Variants in MDGA2 observed in about 807,000 individuals in gnomAD.
MDGA2 encodes MAM domain containing glycosylphosphatidylinositol anchor 2.
MDGA2 carries 40 observed loss-of-function variants against 117.8 expected under a neutral mutation model. The ratio of observed to expected loss-of-function variants is 0.34; its 90% CI spans 0.26 to 0.44. The LOEUF is 0.44. Among genes scored for constraint, MDGA2 ranks in the 20% least tolerant of loss-of-function variants. The probability of loss-of-function intolerance (pLI) is 1.00; values close to 1 mark genes in which losing one functional copy is unlikely to be tolerated. For synonymous variants in MDGA2, 452 were observed against 439.0 expected (o/e 1.03, Z -0.37); for missense variants, 1,123 against 1,250.6 (o/e 0.90, Z 1.54).
chr14:47,115,451 A>AT (rs1881275885), intron 5 of MDGA2, among the ~76,000 whole-genome samples: 2 of 151,988 alleles, frequency 1.3e-5, no homozygotes, highest in South Asian at 2.1e-4. Context: ...AAATATATAG[A>AT]TTTTGTCTTA....
chr14:46,866,919 T>A (rs1881790721), intron 14 of MDGA2, among the ~76,000 whole-genome samples: 1 of 152,042 alleles, frequency 6.6e-6, no homozygotes, highest in Non-Finnish European at 1.5e-5. Context: ...TGTGGAGAAA[T>A]AGGAACACTT....
intron 3 of MDGA2, among the ~76,000 whole-genome samples, chr14:47,197,817 G>C (rs369498424): frequency 7.9e-5 from 12 of 152,252 alleles, no homozygotes; most frequent in African/African-American, 2.6e-4. Flanking sequence ...GCTGAGGCAG[G>C]AGAATCATGT....
At chr14:47,378,978 T>A (rs1891545200) in intron 1 of MDGA2, among the ~76,000 whole-genome samples, 1 of 152,190 alleles carries the variant, frequency 6.6e-6, no homozygotes, top group Admixed American at 6.5e-5. Flanking sequence ...AAAGGTCGGT[T>A]ACCCACAAAG....
chr14:47,058,640 A>T, intron 7 of MDGA2: 3 of 985,054 alleles, frequency 3.0e-6, no homozygotes, highest in Non-Finnish European at 3.6e-6. Context: ...CATTTTAATG[A>T]TGTCAGTTGA....
In MDGA2 at chr14:46,840,264, T is replaced by C. The variant is rs181634518; in HGVS notation, c.*1667A>G. 6.9e-4 allele frequency: 106 copies of C among 152,634 alleles called. 1 individual carries two copies. The East Asian group carries it at 0.018, about 25-fold the overall frequency. The allele number at this position is 152,634 out of a possible 1,614,324, so 9.5% of individuals were successfully genotyped here. A position where few individuals can be genotyped will look rare whatever the true frequency, so the allele number is the denominator to read the frequency against. On this transcript the variant is annotated 3_prime_UTR_variant, in exon 17 of 17. Coordinates refer to ENST00000399232, the MANE Select transcript of MDGA2 (RefSeq NM_001113498.3). ...AATATTTGCAAATGCTATAATTTAA[T>C]ACTTATATTCCAATTGCTTGCATAA...
chr14:47,296,662 G>T (rs1379602902), intron 2 of MDGA2, among the ~76,000 whole-genome samples: 1 of 152,156 alleles, frequency 6.6e-6, no homozygotes, highest in Non-Finnish European at 1.5e-5. Context: ...CAAGTAACAG[G>T]TCCCTTTCAA....
chr14:47,212,751 G>A (rs765447745), intron 3 of MDGA2, among the ~76,000 whole-genome samples: 6 of 152,028 alleles, frequency 3.9e-5, no homozygotes, highest in Non-Finnish European at 5.9e-5. Context: ...TCTTTACCGC[G>A]GAACCTTGTA....
chr14:47,652,216 GTAT>G (rs1897658931), intron 1 of MDGA2, among the ~76,000 whole-genome samples: 1 of 152,140 alleles, frequency 6.6e-6, no homozygotes, highest in Non-Finnish European at 1.5e-5. Flanking sequence ...CTGCTAGAAA[GTAT>G]TATTGCTTTC....
chr14:47,176,849 T>C (rs1380824196), intron 3 of MDGA2, among the ~76,000 whole-genome samples: 1 of 151,924 alleles, frequency 6.6e-6, no homozygotes, highest in East Asian at 1.9e-4. Context: ...GAAACTACCA[T>C]CAGAGTGAAC....
At chr14:47,441,685 T>C (rs936007827) in intron 1 of MDGA2, among the ~76,000 whole-genome samples, 3 of 152,126 alleles carry the variant, frequency 2.0e-5, no homozygotes, top group Non-Finnish European at 4.4e-5. Flanking sequence ...ACAAACAACA[T>C]ACGACAACTA....
intron 3 of MDGA2, among the ~76,000 whole-genome samples, chr14:47,150,806 C>T (rs933554398): frequency 6.6e-6 from 1 of 151,910 alleles, no homozygotes; most frequent in East Asian, 1.9e-4. Flanking sequence ...TGCCTGTAAT[C>T]CCAGTTACTC....
intron 1 of MDGA2, among the ~76,000 whole-genome samples, chr14:47,588,872 A>G (rs1363077345): frequency 6.6e-6 from 1 of 151,958 alleles, no homozygotes; most frequent in African/African-American, 2.4e-5. Context: ...GCAGGACTGC[A>G]TGACTTCTGG....
At chr14:47,541,701 C>G (rs1050803335) in intron 1 of MDGA2, among the ~76,000 whole-genome samples, 1 of 152,160 alleles carries the variant, frequency 6.6e-6, no homozygotes, top group Non-Finnish European at 1.5e-5. Flanking sequence ...GCTCTGAGAG[C>G]TTGAAGAAAT....
Position 46,911,172 on chromosome 14 carries a change from A to G in MDGA2, c.2238+8840T>C, listed in dbSNP as rs557079793. Among the ~76,000 whole-genome samples the G allele has an allele frequency of 1.2e-4, 19 of 152,338 alleles. 1 individual carries two copies. The highest frequency in any genetic ancestry group is 4.3e-4 in the African/African-American group (18 of 41,580). On this transcript the variant is annotated intron_variant, in intron 10 of 16. Transcript: ENST00000399232. ...TAAAAGTTAAATAAAAAAGATAAGT[A>G]ATGCCTATGATATCTAAACTATCAC...
intron 1 of MDGA2, among the ~76,000 whole-genome samples, chr14:47,575,976 TATTA>T: frequency 6.6e-6 from 1 of 152,318 alleles, no homozygotes; most frequent in African/African-American, 2.4e-5. Flanking sequence ...TCTGAAGAAC[TATTA>T]TATATATTCC....
At chr14:46,861,874 T>C (rs1349809760) in intron 14 of MDGA2, among the ~76,000 whole-genome samples, 1 of 151,994 alleles carries the variant, frequency 6.6e-6, no homozygotes, top group Non-Finnish European at 1.5e-5. Flanking sequence ...TTTAAACTTA[T>C]GTCAAGTCAT....
chr14:47,530,987 T>C (rs1895086341), intron 1 of MDGA2, among the ~76,000 whole-genome samples: 1 of 152,212 alleles, frequency 6.6e-6, no homozygotes, highest in Non-Finnish European at 1.5e-5. Flanking sequence ...AGCTCATGCC[T>C]GTAATCCCAG....
At chr14:47,373,751 T>C (rs1594823186) in intron 1 of MDGA2, among the ~76,000 whole-genome samples, 1 of 152,214 alleles carries the variant, frequency 6.6e-6, no homozygotes, top group East Asian at 1.9e-4. Context: ...ATTTCGGTCA[T>C]AGCTGCACAA....
intron 9 of MDGA2, among the ~76,000 whole-genome samples, chr14:46,950,528 C>T (rs1326271810): frequency 6.6e-6 from 1 of 151,902 alleles, no homozygotes; most frequent in Non-Finnish European, 1.5e-5. Flanking sequence ...AACTCATAAG[C>T]TGGCTAAAAT....
Sources: allele counts gnomAD v4.1 joint callset (sites outside exome capture counted in the v4.1 genomes callset), GRCh38; gene constraint gnomAD v4.1.1; transcripts MANE v1.5; gene names NCBI Gene and HGNC (gene_info 2026-07-23, HGNC 2026-07-21).